The following UBASH3B variants were observed in gnomAD, a reference collection of about 807,000 sequenced individuals.
UBASH3B encodes ubiquitin-associated and SH3 domain-containing protein B.
UBASH3B carries 37 observed loss-of-function variants against 83.4 expected under a neutral mutation model. The observed-to-expected ratio is 0.44, with a 90% CI of 0.34 to 0.58. The LOEUF is 0.58. UBASH3B is among the 20% of genes least tolerant of loss of function. The probability of loss-of-function intolerance (pLI) is 0.01; values close to 1 mark genes in which losing one functional copy is unlikely to be tolerated. For synonymous variants in UBASH3B, 304 were observed against 318.3 expected, an observed-to-expected ratio of 0.96 and a Z score of 0.48; for missense variants, 657 against 827.2, an observed-to-expected ratio of 0.79 and a Z score of 2.52.
chr11:122,732,486 G>GTT (rs1338611121), intron 1 of UBASH3B, among the ~76,000 whole-genome samples: 4 of 152,220 alleles, frequency 2.6e-5, no homozygotes, highest in Non-Finnish European at 4.4e-5. Context: ...CCTGCACGTT[G>GTT]TAAGTCTCTG....
chr11:122,678,930 A>G (rs1863702867), intron 1 of UBASH3B, among the ~76,000 whole-genome samples: 1 of 152,210 alleles, frequency 6.6e-6, no homozygotes. Flanking sequence ...ATACCCCATG[A>G]TGTACCAAGA....
At chr11:122,694,581 T>TGGAA (rs201163580) in intron 1 of UBASH3B, among the ~76,000 whole-genome samples, 17 of 152,070 alleles carry the variant, frequency 1.1e-4, no homozygotes, top group African/African-American at 3.1e-4. Context: ...TAAAAAAACT[T>TGGAA]GGAAGGAAGG....
chr11:122,702,742 C>T (rs1047617397), intron 1 of UBASH3B, among the ~76,000 whole-genome samples: 1 of 152,042 alleles, frequency 6.6e-6, no homozygotes, highest in Non-Finnish European at 1.5e-5. Flanking sequence ...CCAGGCTGGT[C>T]TCTAACTCCT....
intron 1 of UBASH3B, among the ~76,000 whole-genome samples, chr11:122,745,317 G>T (rs1441107031): frequency 1.3e-5 from 2 of 152,194 alleles, no homozygotes; most frequent in East Asian, 3.8e-4. Context: ...CCAGTACTTA[G>T]CACAGTTCCT....
intron 1 of UBASH3B, among the ~76,000 whole-genome samples, chr11:122,757,075 C>T (rs1403894328): frequency 6.6e-6 from 1 of 152,168 alleles, no homozygotes; most frequent in African/African-American, 2.4e-5. Flanking sequence ...TACTATTATT[C>T]GATCTAAAAT....
chr11:122,802,608 AT>A (rs549254609), intron 11 of UBASH3B, among the ~76,000 whole-genome samples: 1 of 151,938 alleles, frequency 6.6e-6, no homozygotes, highest in Non-Finnish European at 1.5e-5. Flanking sequence ...TTCCATACTC[AT>A]TTTTTCTGTT....
intron 1 of UBASH3B, among the ~76,000 whole-genome samples, chr11:122,745,225 C>A (rs1861099054): frequency 6.6e-6 from 1 of 152,188 alleles, no homozygotes; most frequent in African/African-American, 2.4e-5. Context: ...TCCTGAGAAA[C>A]TGGATCACGT....
chr11:122,800,383 CAAAAAAAA>C (rs540359065), intron 10 of UBASH3B, among the ~76,000 whole-genome samples: 1 of 76,668 alleles, frequency 1.3e-5, no homozygotes, highest in African/African-American at 4.4e-5. Context: ...ACTAAAAATA[CAAAAAAAA>C]AAAAAAAAAA....
At chr11:122,765,387 G>T (rs1860519336) in intron 1 of UBASH3B, among the ~76,000 whole-genome samples, 1 of 152,166 alleles carries the variant, frequency 6.6e-6, no homozygotes, top group Non-Finnish European at 1.5e-5. Flanking sequence ...GGGCACTTGC[G>T]ACGCTTCCCA....
chr11:122,792,264 G>T (rs1055626058), intron 6 of UBASH3B, among the ~76,000 whole-genome samples: 15 of 150,950 alleles, frequency 9.9e-5, no homozygotes, highest in Non-Finnish European at 1.5e-5. Flanking sequence ...TTTGCACCCT[G>T]AAGCTTTGAT....
At position 122,777,066 on chromosome 11, in the gene UBASH3B, G is replaced by C. The variant is rs748204968; in HGVS notation, c.258G>C (p.Leu86=). ...HVGDPFLDDP[L]PREYVLYLRP... ...GTGACCCCTTCCTGGATGACCCCCT[G>C]CCCCGGGAGTACGTCCTCTACCTCC... The change falls in exon 3 of 14, where the codon CTG becomes CTC. Residue 86 remains leucine, a synonymous_variant. Coordinates refer to ENST00000284273, the MANE Select transcript of UBASH3B (RefSeq NM_032873.5). 2 of 1,613,296 alleles carry C rather than the reference G, an allele frequency of 1.2e-6. No homozygotes were observed. The highest frequency in any genetic ancestry group is 1.3e-5 in the African/African-American group (1 of 74,928).
intron 1 of UBASH3B, among the ~76,000 whole-genome samples, chr11:122,748,243 G>C (rs1861149986): frequency 6.6e-6 from 1 of 152,206 alleles, no homozygotes; most frequent in East Asian, 1.9e-4. Context: ...CTGCCTTTCA[G>C]CTGTAGGTGG....
chr11:122,751,356 G>A (rs1048698493), intron 1 of UBASH3B, among the ~76,000 whole-genome samples: 10 of 152,192 alleles, frequency 6.6e-5, no homozygotes, highest in Non-Finnish European at 1.3e-4. Flanking sequence ...CAGGAGCTAA[G>A]AAGCAGTGAG....
intron 1 of UBASH3B, among the ~76,000 whole-genome samples, chr11:122,691,452 G>A (rs1273119922): frequency 6.6e-6 from 1 of 152,212 alleles, no homozygotes; most frequent in Non-Finnish European, 1.5e-5. Context: ...TTTCAACACA[G>A]GCTGTGAGTG....
chr11:122,769,824 G>A lies in UBASH3B; in HGVS notation c.162-6395G>A, dbSNP rs976556282. Among the ~76,000 whole-genome samples, 7 of 152,314 alleles carry A rather than the reference G, an allele frequency of 4.6e-5. No individual in the cohort carries two copies. In the East Asian group the frequency reaches 1.3e-3, roughly 29 times the overall value. ...CAGTTTACCCATCCCCCAGTTCATTGCCGACTTTTAAACTGATTTTGAGGG... is the reference window on the plus strand; with the variant it reads ...CAGTTTACCCATCCCCCAGTTCATTACCGACTTTTAAACTGATTTTGAGGG... On this transcript the variant is annotated intron_variant, in intron 1 of 13. Coordinates refer to ENST00000284273, the MANE Select transcript of UBASH3B (RefSeq NM_032873.5).
At chr11:122,712,464 C>T (rs1478898229) in intron 1 of UBASH3B, among the ~76,000 whole-genome samples, 2 of 152,054 alleles carry the variant, frequency 1.3e-5, no homozygotes, top group African/African-American at 4.8e-5. Flanking sequence ...TCTCAGCAGC[C>T]CAAATGGACC....
chr11:122,785,408 A>G (rs2135154860), intron 5 of UBASH3B, among the ~76,000 whole-genome samples: 1 of 152,250 alleles, frequency 6.6e-6, no homozygotes, highest in African/African-American at 2.4e-5. Flanking sequence ...CCAGTGAGGG[A>G]ACAGATGTCC....
chr11:122,767,210 G>A (rs1411603837), intron 1 of UBASH3B, among the ~76,000 whole-genome samples: 3 of 151,756 alleles, frequency 2.0e-5, no homozygotes, highest in African/African-American at 2.4e-5. Context: ...CCCGGGAAGC[G>A]GAGGTCACAG....
chr11:122,680,311 T>A (rs1362034720), intron 1 of UBASH3B, among the ~76,000 whole-genome samples: 1 of 151,810 alleles, frequency 6.6e-6, no homozygotes, highest in Non-Finnish European at 1.5e-5. Context: ...ATTGTGAAAA[T>A]CAAAGGCACG....
Sources: allele counts gnomAD v4.1 joint callset (sites outside exome capture counted in the v4.1 genomes callset), GRCh38; gene constraint gnomAD v4.1.1; transcripts MANE v1.5; gene names NCBI Gene and HGNC (gene_info 2026-07-23, HGNC 2026-07-21).